ARHGAP36: variants seen among roughly 807,000 people sequenced by gnomAD.
ARHGAP36 encodes Rho GTPase activating protein 36.
ARHGAP36 carries 7 observed loss-of-function variants against 32.9 expected under a neutral mutation model. That is an observed-to-expected ratio of 0.21 (90% CI 0.12 to 0.40). The LOEUF is 0.40. Ranked by LOEUF, ARHGAP36 falls within the 10% of genes least tolerant of loss-of-function variation. The pLI, the probability that ARHGAP36 is intolerant of heterozygous loss-of-function variation, is 1.00. For synonymous variants in ARHGAP36, 165 were observed against 168.3 expected, an observed-to-expected ratio of 0.98 and a Z score of 0.15; for missense variants, 383 against 442.2, an observed-to-expected ratio of 0.87 and a Z score of 1.20.
chrX:131,082,697 A>G (rs1043437850), intron 2 of ARHGAP36, among the ~76,000 whole-genome samples: 18 of 112,921 alleles, frequency 1.6e-4, no homozygotes, highest in African/African-American at 5.5e-4. Flanking sequence ...GAGTGCGGGG[A>G]CAGCCAGGTG....
chrX:131,081,510 T>C lies in ARHGAP36; in HGVS notation c.-142-14T>C. The C allele has an allele frequency of 3.8e-6, 4 of 1,045,696 alleles. No individual in the cohort carries two copies. The allele number at this position is 1,045,696 out of a possible 1,213,427, so 86.2% of individuals were successfully genotyped here. Reference sequence around the variant, plus strand: ...GCTGAATTTTTGAAGTTGGATTTTTTTTTTCTTTTTTAGCAAAAACAACCA... The same window carrying C: ...GCTGAATTTTTGAAGTTGGATTTTTCTTTTCTTTTTTAGCAAAAACAACCA... On this transcript the variant is annotated splice_polypyrimidine_tract_variant and intron_variant, in intron 1 of 11. Coordinates refer to ENST00000276211, the MANE Select transcript of ARHGAP36 (RefSeq NM_144967.4).
rs1435254971 is a variant in ARHGAP36, at chrX:131,085,949, T to G, written c.1141T>G (p.Leu381Val). The change falls in exon 9 of 12, where the codon TTG (leucine) becomes GTG (valine). Residue 381 changes from leucine to valine, a missense_variant. Physicochemically the swap from Leu to Val is conservative, Grantham distance 32. Around this residue, in one of 2 missense-constraint regions of ARHGAP36, gnomAD observed 227 missense variants for 311.3 expected, o/e 0.73. Coordinates refer to ENST00000276211, the MANE Select transcript of ARHGAP36 (RefSeq NM_144967.4). ...GNRMTSTNLA[L>V]VFGSALLKKG... ...CCGTATGACTTCCACTAACTTGGCC[T>G]TGGTGTTTGGATCTGCTCTCCTGAA... The G allele has an allele frequency of 2.1e-5, 25 of 1,210,032 alleles. No homozygotes were observed. Among genetic ancestry groups the G allele is most frequent in the Non-Finnish European group, 2.7e-5 (24 of 895,262 alleles).
chrX:131,068,894 G>T (rs1440695969), intron 1 of ARHGAP36, among the ~76,000 whole-genome samples: 1 of 111,568 alleles, frequency 9.0e-6, no homozygotes, highest in African/African-American at 3.3e-5. Context: ...CCCCGACCCC[G>T]CGCTGGACAC....
At chrX:131,081,322 TCTAATTAATTAA>T (rs961149947) in intron 1 of ARHGAP36, among the ~76,000 whole-genome samples, 190 bp from the exon 2 acceptor site, 4 of 110,939 alleles carry the variant, frequency 3.6e-5, no homozygotes, top group African/African-American at 1.3e-4. Context: ...CTAAAAACGC[TCTAATTAATTAA>T]CTAATTAATT....
In ARHGAP36 at chrX:131,080,265, T is replaced by C. The variant is rs758945423; in HGVS notation, c.-142-1259T>C. Among the ~76,000 whole-genome samples the C allele has an allele frequency of 7.5e-4, 84 of 111,497 alleles. 1 individual carries two copies. Among genetic ancestry groups the C allele is most frequent in the Non-Finnish European group, 2.6e-4 (14 of 53,092 alleles). ...TCTCTCTGGATGCTCCCCTCCTCTG[T>C]CTCCAGGCAGATTTAGCTGTTTTCT... On this transcript the variant is annotated intron_variant, in intron 1 of 11. Coordinates refer to ENST00000276211, the MANE Select transcript of ARHGAP36 (RefSeq NM_144967.4).
chrX:131,067,181 G>C (rs1486898586), intron 1 of ARHGAP36, among the ~76,000 whole-genome samples: 2 of 112,438 alleles, frequency 1.8e-5, no homozygotes, highest in Non-Finnish European at 3.8e-5. Flanking sequence ...AAGGCCCAAG[G>C]GGAAAGGGCT....
At chrX:131,082,248 G>A (rs1315084000) in intron 2 of ARHGAP36, among the ~76,000 whole-genome samples, 5 of 112,201 alleles carry the variant, frequency 4.5e-5, no homozygotes, top group South Asian at 7.5e-4. Flanking sequence ...AGGGCAGAGC[G>A]AGACGGAAGC....
chrX:131,082,418 C>A (rs1029864398), intron 2 of ARHGAP36, among the ~76,000 whole-genome samples: 1 of 112,597 alleles, frequency 8.9e-6, no homozygotes, highest in Non-Finnish European at 1.9e-5. Flanking sequence ...GCAGGAGGTG[C>A]GCCTCTAGCA....
At chrX:131,075,209 C>T (rs2079754962) in intron 1 of ARHGAP36, among the ~76,000 whole-genome samples, 1 of 112,210 alleles carries the variant, frequency 8.9e-6, no homozygotes, top group Non-Finnish European at 1.9e-5. Flanking sequence ...AGAACACTTT[C>T]ATTCTACCCT....
chrX:131,074,572 C>T (rs192461844), intron 1 of ARHGAP36, among the ~76,000 whole-genome samples: 1 of 111,743 alleles, frequency 8.9e-6, no homozygotes, highest in East Asian at 2.8e-4. Context: ...AGGGATCTGT[C>T]CAGTGCTGGT....
intron 1 of ARHGAP36, among the ~76,000 whole-genome samples, chrX:131,075,657 GTATC>G (rs956399626): frequency 2.8e-5 from 3 of 106,168 alleles, no homozygotes; most frequent in African/African-American, 6.9e-5. Context: ...GTGTGTCCAT[GTATC>G]TATCTTTCTT....
At chrX:131,061,933 T>C (rs2079671393) in intron 1 of ARHGAP36, among the ~76,000 whole-genome samples, 1 of 112,485 alleles carries the variant, frequency 8.9e-6, no homozygotes, top group Non-Finnish European at 1.9e-5. Flanking sequence ...AGCTGACATT[T>C]ATCAGGCTTA....
chrX:131,077,892 T>C (rs753773960), intron 1 of ARHGAP36, among the ~76,000 whole-genome samples: 9 of 108,060 alleles, frequency 8.3e-5, no homozygotes, highest in African/African-American at 3.1e-4. Flanking sequence ...AATAATAACA[T>C]TTGAAATATT....
At chrX:131,078,653 C>T in intron 1 of ARHGAP36, 2 of 702,167 alleles carry the variant, frequency 2.8e-6, no homozygotes, top group South Asian at 2.6e-5. Flanking sequence ...TACTCATTCC[C>T]CCTCCCCACC....
chrX:131,066,662 GGGGA>G (rs2079700393), intron 1 of ARHGAP36, among the ~76,000 whole-genome samples: 2 of 112,026 alleles, frequency 1.8e-5, no homozygotes, highest in African/African-American at 6.5e-5. Context: ...GCAGGAATCA[GGGGA>G]CTCTTAGTAA....
chrX:131,084,945 T>C lies in ARHGAP36; in HGVS notation c.836T>C (p.Val279Ala). The change falls in exon 7 of 12, where the codon GTA becomes GCA. Residue 279 changes from valine (V) to alanine (A), a missense_variant. Transcript: ENST00000276211. ...LREEFDQGLD[V>A]VLDDNQNVHD... is the part of the protein sequence containing the mutation. ...GAAGAATTTGATCAAGGTCTGGATGTAGTGCTGGATGACAATCAGAATGTG... is the reference window on the plus strand; with the variant it reads ...GAAGAATTTGATCAAGGTCTGGATGCAGTGCTGGATGACAATCAGAATGTG... 1 of 1,211,954 alleles carries C rather than the reference T, an allele frequency of 8.3e-7. No individual in the cohort carries two copies. Among genetic ancestry groups the C allele is most frequent in the Non-Finnish European group, 1.1e-6 (1 of 895,547 alleles).
At chrX:131,085,854 A>G in intron 8 of ARHGAP36, 59 bp from the exon 9 acceptor site, 1 of 1,186,239 alleles carries the variant, frequency 8.4e-7, no homozygotes, top group Non-Finnish European at 1.1e-6. Context: ...AGACATATTC[A>G]TTTGTACAAC....
At chrX:131,059,290 A>T (rs1210372580) in intron 1 of ARHGAP36, among the ~76,000 whole-genome samples, 1 of 110,603 alleles carries the variant, frequency 9.0e-6, no homozygotes, top group Non-Finnish European at 1.9e-5. Flanking sequence ...GACATACCCC[A>T]GGACCCCCAC....
At chrX:131,080,398 T>TAAAA (rs138310432) in intron 1 of ARHGAP36, among the ~76,000 whole-genome samples, 5 of 102,907 alleles carry the variant, frequency 4.9e-5, no homozygotes, top group African/African-American at 1.8e-4. Context: ...GTTAAATCTT[T>TAAAA]AAAAAAAAAA....
Sources: allele counts gnomAD v4.1 joint callset (sites outside exome capture counted in the v4.1 genomes callset), GRCh38; gene constraint gnomAD v4.1.1; regional missense constraint gnomAD v4.1.1; transcripts MANE v1.5; gene names NCBI Gene and HGNC (gene_info 2026-07-23, HGNC 2026-07-21).